MTA3: variants seen among roughly 807,000 people sequenced by gnomAD.
MTA3 encodes metastasis-associated protein MTA3.
A neutral mutation model predicts 83.5 loss-of-function variants in MTA3; 34 were observed. That is an observed-to-expected ratio of 0.41 (90% CI 0.31 to 0.54). MTA3 has a LOEUF of 0.54. Among genes scored for constraint, MTA3 ranks in the 20% least tolerant of loss-of-function variants. The pLI is 0.33. For synonymous variants in MTA3, 303 were observed against 252.7 expected (o/e 1.20, Z -1.89); for missense variants, 761 against 726.4 (o/e 1.05, Z -0.55).
intron 8 of MTA3, among the ~76,000 whole-genome samples, chr2:42,674,097 A>G (rs1010921666): frequency 2.0e-5 from 3 of 152,224 alleles, no homozygotes; most frequent in Admixed American, 2.0e-4. Flanking sequence ...TGTATTTCTC[A>G]TCCTCCATGG....
intron 8 of MTA3, among the ~76,000 whole-genome samples, chr2:42,662,868 A>T (rs1689858575): frequency 6.6e-6 from 1 of 151,140 alleles, no homozygotes; most frequent in South Asian, 2.1e-4. Flanking sequence ...AGTAGCTGGG[A>T]TTACAGGCGC....
intron 16 of MTA3, among the ~76,000 whole-genome samples, chr2:42,739,703 C>G (rs1668882944): frequency 6.6e-6 from 1 of 152,216 alleles, no homozygotes; most frequent in Non-Finnish European, 1.5e-5. Context: ...GAACTTCTTT[C>G]AAAATTAGAG....
At chr2:42,714,609 G>A (rs1291597693) in intron 14 of MTA3, among the ~76,000 whole-genome samples, 1 of 152,178 alleles carries the variant, frequency 6.6e-6, no homozygotes, top group Non-Finnish European at 1.5e-5. Context: ...AAGTAATAGT[G>A]TATTTCTAGG....
Position 42,524,841 on chromosome 2 carries a change from GA to G in MTA3, c.-141+29594del, listed in dbSNP as rs371148986. On this transcript the variant is annotated intron_variant, in intron 2 of 17. Transcript: ENST00000405592. ...TATCTAGCATCCAAAAAAAAAAAAA[GA>G]AAAAAAGAGACACCTGCAGTAAGGC... Among the ~76,000 whole-genome samples the G allele has an allele frequency of 1.5e-3, 222 of 143,596 alleles. 2 individuals carry two copies. The highest frequency in any genetic ancestry group is 3.6e-3 in the Middle Eastern group (1 of 278). 94.2% of individuals were successfully genotyped at this position (143,596 alleles called of 152,430 possible).
At chr2:42,503,763 T>C (rs915908157) in intron 2 of MTA3, among the ~76,000 whole-genome samples, 13 of 152,206 alleles carry the variant, frequency 8.5e-5, no homozygotes, top group East Asian at 7.7e-4. Context: ...TAGTCTCAGC[T>C]GCTCAGGAGG....
At chr2:42,733,903 A>G (rs1021398167) in intron 16 of MTA3, among the ~76,000 whole-genome samples, 1 of 152,234 alleles carries the variant, frequency 6.6e-6, no homozygotes, top group African/African-American at 2.4e-5. Flanking sequence ...GATACTTGAT[A>G]TAAATTTATT....
At chr2:42,560,442 A>C (rs1572984390) in intron 2 of MTA3, among the ~76,000 whole-genome samples, 1 of 150,738 alleles carries the variant, frequency 6.6e-6, no homozygotes, top group Non-Finnish European at 1.5e-5. Flanking sequence ...GGAGTTCAAG[A>C]CCAGCCTGGC....
upstream of MTA3, chr2:42,494,552 T>C (rs1409490649): frequency 1.3e-5 from 2 of 152,134 alleles, no homozygotes; most frequent in South Asian, 2.1e-4. Context: ...AGAGGGCGGC[T>C]ACACGCCCCA....
intron 3 of MTA3, among the ~76,000 whole-genome samples, chr2:42,601,749 A>C (rs1018173019): frequency 1.3e-5 from 2 of 151,964 alleles, no homozygotes; most frequent in Non-Finnish European, 1.5e-5. Flanking sequence ...TTGCGATCTC[A>C]GCTCACTGCA....
intron 6 of MTA3, among the ~76,000 whole-genome samples, chr2:42,645,490 A>G (rs1236835550): frequency 1.3e-5 from 2 of 152,040 alleles, no homozygotes; most frequent in African/African-American, 4.8e-5. Flanking sequence ...GTGCCACTGC[A>G]CTCCAGCTTG....
chr2:42,743,296 G>A (rs1218775660), intron 16 of MTA3, among the ~76,000 whole-genome samples: 1 of 152,226 alleles, frequency 6.6e-6, no homozygotes, highest in Non-Finnish European at 1.5e-5. Flanking sequence ...TGCTATCTCA[G>A]TCTTTATCAG....
intron 4 of MTA3, among the ~76,000 whole-genome samples, chr2:42,626,273 T>C (rs1282099511): frequency 1.3e-5 from 2 of 148,894 alleles, no homozygotes; most frequent in Non-Finnish European, 3.0e-5. Flanking sequence ...AAAACCAAGG[T>C]AGTAAGGCTG....
At chr2:42,683,571 A>G (rs754450509) in intron 9 of MTA3, among the ~76,000 whole-genome samples, 8 of 152,180 alleles carry the variant, frequency 5.3e-5, no homozygotes, top group Admixed American at 6.5e-5. Context: ...ACTCACCATA[A>G]TGGAGAATCA....
rs546648148 is a variant in MTA3, at chr2:42,713,558, T to C, written c.1525+4462T>C. ...GGTACAAAAGTGGTTACAAATCTCA[T>C]CACGTTCCTCATTCCTGATTTACCC... is the stretch of plus-strand genomic sequence containing the variant. On this transcript the variant is annotated intron_variant, in intron 14 of 16. Transcript: ENST00000405094. Among the ~76,000 whole-genome samples the C allele has an allele frequency of 2.6e-5, 4 of 152,302 alleles. No homozygotes were observed. In the East Asian group the frequency reaches 7.7e-4, roughly 29 times the overall value.
chr2:42,545,361 G>A (rs994266787), intron 2 of MTA3, among the ~76,000 whole-genome samples: 4 of 152,154 alleles, frequency 2.6e-5, no homozygotes, highest in South Asian at 2.1e-4. Context: ...CTGAGCGACA[G>A]AGAGAAACCT....
chr2:42,585,641 A>C (rs1351843784), intron 3 of MTA3, among the ~76,000 whole-genome samples: 1 of 151,652 alleles, frequency 6.6e-6, no homozygotes, highest in Non-Finnish European at 1.5e-5. Flanking sequence ...CGCCTGGTTA[A>C]TTTTTGTATT....
intron 2 of MTA3, chr2:42,511,621 C>G (rs1558405562): frequency 6.6e-6 from 1 of 152,278 alleles, no homozygotes; most frequent in South Asian, 2.1e-4. Context: ...GAGGCTGAGG[C>G]AGGAGAATCG....
At chr2:42,610,560 T>A (rs1573257411) in intron 4 of MTA3, among the ~76,000 whole-genome samples, 1 of 152,324 alleles carries the variant, frequency 6.6e-6, no homozygotes, top group East Asian at 1.9e-4. Context: ...TGGCAGTTGT[T>A]GAGGAAAAAC....
At chr2:42,612,063 G>T (rs1684289472) in intron 4 of MTA3, among the ~76,000 whole-genome samples, 1 of 152,064 alleles carries the variant, frequency 6.6e-6, no homozygotes, top group African/African-American at 2.4e-5. Flanking sequence ...CAGTTAGGCC[G>T]GGTAATATGG....
Sources: gnomAD v4.1 joint callset for allele counts (sites outside exome capture counted in the v4.1 genomes callset) on GRCh38, gnomAD v4.1.1 for gene constraint, MANE v1.5 for transcripts, NCBI Gene and HGNC (gene_info 2026-07-23, HGNC 2026-07-21) for gene names.